PTPRN2: variants seen among roughly 807,000 people sequenced by gnomAD.
PTPRN2 encodes receptor-type tyrosine-protein phosphatase N2.
In PTPRN2, 74 loss-of-function variants were observed where a neutral mutation model predicts 118.8. That is an observed-to-expected ratio of 0.62 (90% confidence interval 0.52 to 0.76). The LOEUF (loss-of-function observed/expected upper bound fraction) is 0.76. Among genes scored for constraint, PTPRN2 ranks in the 30% least tolerant of loss-of-function variants. The probability of loss-of-function intolerance (pLI) is 0.00; values close to 1 mark genes in which losing one functional copy is unlikely to be tolerated. For missense variants in PTPRN2, 1,481 were observed against 1,394.4 expected, an observed-to-expected ratio of 1.06 and a Z score of -0.99; for synonymous variants, 641 against 608.0, an observed-to-expected ratio of 1.05 and a Z score of -0.80.
chr7:157,783,479 A>G (rs577106816), intron 12 of PTPRN2, among the ~76,000 whole-genome samples: 8 of 150,158 alleles, frequency 5.3e-5, no homozygotes, highest in African/African-American at 1.7e-4. Context: ...AGGAGCTGAC[A>G]GCCCACAATC....
intron 9 of PTPRN2, among the ~76,000 whole-genome samples, chr7:158,116,651 G>A (rs753736991): frequency 2.0e-5 from 3 of 152,236 alleles, no homozygotes; most frequent in Non-Finnish European, 4.4e-5. Flanking sequence ...GGGCACCATT[G>A]TTTGGCCACC....
chr7:158,395,320 G>C (rs1452907104), intron 2 of PTPRN2, among the ~76,000 whole-genome samples: 21 of 115,878 alleles, frequency 1.8e-4, no homozygotes, highest in South Asian at 6.2e-4. Flanking sequence ...GGTGAGGGGC[G>C]AGGGGCGAGG....
At chr7:158,181,938 T>TTTC (rs1824745410) in intron 5 of PTPRN2, among the ~76,000 whole-genome samples, 1 of 23,530 alleles carries the variant, frequency 4.2e-5, no homozygotes, top group Non-Finnish European at 1.5e-4. Context: ...ATCTTTGTTA[T>TTTC]TTTCTTCTTC....
At chr7:157,657,223 ACGC>A (rs1249237421) in intron 13 of PTPRN2, among the ~76,000 whole-genome samples, 29 of 127,250 alleles carry the variant, frequency 2.3e-4, no homozygotes, top group East Asian at 9.7e-4. Context: ...ACACACACAT[ACGC>A]CACACACACA....
intron 10 of PTPRN2, among the ~76,000 whole-genome samples, chr7:158,084,969 CCCA>C (rs1183876389): frequency 7.1e-6 from 1 of 141,316 alleles, no homozygotes; most frequent in Non-Finnish European, 1.5e-5. Context: ...CCCATCCACA[CCCA>C]CGACGCCCAT....
chr7:158,498,115 G>A (rs1170604071), intron 1 of PTPRN2, among the ~76,000 whole-genome samples: 2 of 152,234 alleles, frequency 1.3e-5, no homozygotes, highest in Non-Finnish European at 2.9e-5. Flanking sequence ...TTTGGCTTCT[G>A]TAAAGTCAGT....
intron 12 of PTPRN2, chr7:157,857,443 T>G (rs1049804450): frequency 6.6e-6 from 1 of 152,228 alleles, no homozygotes. Context: ...CGGAGCGTCC[T>G]CTCCTCTGTG....
intron 21 of PTPRN2, among the ~76,000 whole-genome samples, chr7:157,565,607 C>A (rs1799447958): frequency 6.6e-6 from 1 of 152,226 alleles, no homozygotes; most frequent in Non-Finnish European, 1.5e-5. Flanking sequence ...CCTGACCCCA[C>A]CCAGCATGGC....
chr7:158,512,047 A>C (rs2129447094), intron 1 of PTPRN2, among the ~76,000 whole-genome samples: 1 of 152,066 alleles, frequency 6.6e-6, no homozygotes, highest in South Asian at 2.1e-4. Context: ...CAAGTTTAAC[A>C]AAAAAAATCA....
chr7:157,705,359 C>G (rs1798272606), intron 12 of PTPRN2, among the ~76,000 whole-genome samples: 1 of 152,164 alleles, frequency 6.6e-6, no homozygotes, highest in Admixed American at 6.5e-5. Flanking sequence ...GCAAATGAAG[C>G]CCAGAGTGAC....
chr7:158,277,249 T>A (rs1489274347), intron 3 of PTPRN2, among the ~76,000 whole-genome samples: 1 of 152,224 alleles, frequency 6.6e-6, no homozygotes, highest in African/African-American at 2.4e-5. Context: ...CGGCAGCCTG[T>A]GCGAATCGGC....
At chr7:157,907,452 G>A (rs895632946) in intron 11 of PTPRN2, among the ~76,000 whole-genome samples, 2 of 150,778 alleles carry the variant, frequency 1.3e-5, no homozygotes, top group Admixed American at 6.6e-5. Flanking sequence ...CTGCGTGTGG[G>A]GTGTCCCGGG....
rs191352439 is a variant in PTPRN2, at chr7:158,303,348, C to T, written c.277+13471G>A. On this transcript the variant is annotated intron_variant, in intron 3 of 22. Coordinates refer to ENST00000389418, the MANE Select transcript of PTPRN2 (RefSeq NM_002847.5). ...ACACCCTGTAATCCCTCTGTGATTC[C>T]GTCTCTTTAATCTGCTAAATAAAGA... Among the ~76,000 whole-genome samples, 86 of 152,234 alleles carry T rather than the reference C, an allele frequency of 5.6e-4. No individual in the cohort carries two copies. The East Asian group carries it at 0.014, about 25-fold the overall frequency.
rs1803646973 is a variant in PTPRN2 at position 157,627,322 on chromosome 7, G to A, written c.2197-5813C>T. On this transcript the variant is annotated intron_variant, in intron 14 of 22. Transcript: ENST00000389418. The surrounding 1 kb of genome is among the most constrained non-coding windows in gnomAD (Gnocchi z 4.2). ...TATGAAGAAAGCTCTAGAATGAGCT[G>A]ACTGAGGCTGACAATACCAGAGGGA... is the stretch of plus-strand genomic sequence containing the variant. Among the ~76,000 whole-genome samples the A allele has an allele frequency of 6.6e-6, 1 of 152,236 alleles. No homozygotes were observed. The highest frequency in any genetic ancestry group is 6.5e-5 in the Admixed American group (1 of 15,286).
chr7:157,762,465 A>G (rs1802191252), intron 12 of PTPRN2, among the ~76,000 whole-genome samples: 1 of 151,846 alleles, frequency 6.6e-6, no homozygotes, highest in African/African-American at 2.4e-5. Flanking sequence ...GAAATTGGAA[A>G]TCATCATTCT....
intron 2 of PTPRN2, among the ~76,000 whole-genome samples, chr7:158,410,769 T>C (rs1042194996): frequency 4.0e-5 from 6 of 151,708 alleles, no homozygotes; most frequent in African/African-American, 1.5e-4. Flanking sequence ...AATGTAGTGA[T>C]TGACGTCCCT....
intron 12 of PTPRN2, among the ~76,000 whole-genome samples, chr7:157,798,503 A>C (rs1805016337): frequency 3.3e-5 from 5 of 151,862 alleles, no homozygotes. Context: ...ACACACACAG[A>C]CACACACGGA....
chr7:157,910,707 TGTGTGTGTG>T (rs1798055945), intron 11 of PTPRN2, among the ~76,000 whole-genome samples: 2 of 115,656 alleles, frequency 1.7e-5, no homozygotes, highest in South Asian at 2.3e-4. Flanking sequence ...GCAGGGCACG[TGTGTGTGTG>T]TGTGTGTGCG....
intron 17 of PTPRN2, 102 bp downstream of exon 17, chr7:157,595,136 G>A: frequency 9.6e-7 from 1 of 1,039,408 alleles, no homozygotes. Context: ...ATGAGCATTT[G>A]TAAGAAGTTT....
Sources: gnomAD v4.1 joint callset for allele counts (sites outside exome capture counted in the v4.1 genomes callset) on GRCh38, gnomAD v4.1.1 for gene constraint, Gnocchi (gnomAD v3.1) non-coding constraint, MANE v1.5 for transcripts, NCBI Gene and HGNC (gene_info 2026-07-23, HGNC 2026-07-21) for gene names.